The following MALRD1 variants were observed in gnomAD, a reference collection of about 807,000 sequenced individuals.
The protein encoded by MALRD1 is MAM and LDL-receptor class A domain-containing protein 1.
A neutral mutation model predicts 242.1 loss-of-function variants in MALRD1; 247 were observed. The observed-to-expected ratio is 1.02, with a 90% confidence interval of 0.92 to 1.13. MALRD1 has a LOEUF of 1.13. Among genes scored for constraint, MALRD1 ranks in the 50% most tolerant of loss-of-function variants. The pLI is 0.00. For synonymous variants in MALRD1, 995 were observed against 866.6 expected (o/e 1.15, Z -2.60); for missense variants, 2,989 against 2,533.1 (o/e 1.18, Z -3.86).
Position 19,615,859 on chromosome 10 carries a change from T to C in MALRD1, c.6073T>C (p.Cys2025Arg). The C allele has an allele frequency of 6.5e-7, 1 of 1,528,456 alleles. No individual in the cohort carries two copies. Among genetic ancestry groups the C allele is most frequent in the Non-Finnish European group, 8.8e-7 (1 of 1,142,236 alleles). 94.7% of individuals were successfully genotyped at this position (1,528,456 alleles called of 1,614,324 possible). Residue 2025 changes from cysteine (C) to arginine (R), a missense_variant and splice_region_variant, in exon 36 of 40, where the codon TGT becomes CGT. Cys to Arg is a radical substitution (Grantham distance 180). Transcript: ENST00000454679. ...FQLDESSCSE[C>R]PLNYCRNGGT... ...GTCTTTGTGATGCTTCTTTTTAGAA[T>C]GTCCATTAAATTACTGCAGAAATGG...
At chr10:19,221,069 G>A (rs981893241) in intron 18 of MALRD1, among the ~76,000 whole-genome samples, 1 of 151,636 alleles carries the variant, frequency 6.6e-6, no homozygotes, top group Admixed American at 6.6e-5. Context: ...TGAAGGAAAA[G>A]ATATTTTTCC....
chr10:19,323,841 C>A (rs1363207076), intron 21 of MALRD1, 108 bp from the exon 22 acceptor site: 15 of 931,262 alleles, frequency 1.6e-5, no homozygotes, highest in Admixed American at 2.4e-5. Flanking sequence ...GAACTCCTGA[C>A]TGCAGGTGAT....
intron 33 of MALRD1, among the ~76,000 whole-genome samples, chr10:19,593,005 TAAAAAA>T (rs3069581): frequency 6.9e-6 from 1 of 144,360 alleles, no homozygotes; most frequent in Non-Finnish European, 1.5e-5. Context: ...ATAAAATACT[TAAAAAA>T]AAAAAAAAAG....
chr10:19,400,963 C>G (rs1328525994), intron 28 of MALRD1, among the ~76,000 whole-genome samples: 2 of 151,984 alleles, frequency 1.3e-5, no homozygotes, highest in African/African-American at 2.4e-5. Context: ...TTGCAGTGAG[C>G]CAAGATTGTG....
At chr10:19,457,125 A>G (rs1752060784) in intron 29 of MALRD1, among the ~76,000 whole-genome samples, 1 of 152,210 alleles carries the variant, frequency 6.6e-6, no homozygotes. Flanking sequence ...ACTCTGAAAA[A>G]TTGAAATAGC....
chr10:19,613,928 T>C (rs905253078), intron 35 of MALRD1, among the ~76,000 whole-genome samples: 2 of 152,018 alleles, frequency 1.3e-5, no homozygotes, highest in African/African-American at 4.8e-5. Flanking sequence ...GAAAGCTTTT[T>C]CTTACTCCCC....
intron 24 of MALRD1, among the ~76,000 whole-genome samples, chr10:19,338,965 A>G (rs1212736755): frequency 6.8e-6 from 1 of 147,774 alleles, no homozygotes. Flanking sequence ...TATATACTAT[A>G]TATACAACTA....
intron 31 of MALRD1, among the ~76,000 whole-genome samples, chr10:19,511,240 T>A (rs1331943878): frequency 6.6e-6 from 1 of 152,130 alleles, no homozygotes; most frequent in African/African-American, 2.4e-5. Context: ...GATTATGGAG[T>A]GAGTGGTGCC....
At chr10:19,106,146 T>C (rs1008341384) in intron 5 of MALRD1, among the ~76,000 whole-genome samples, 1 of 151,942 alleles carries the variant, frequency 6.6e-6, no homozygotes, top group African/African-American at 2.4e-5. Flanking sequence ...TCCCTTTATA[T>C]TCTCTTCCCA....
At chr10:19,556,929 T>C (rs547204362) in intron 32 of MALRD1, among the ~76,000 whole-genome samples, 8 of 152,286 alleles carry the variant, frequency 5.3e-5, no homozygotes, top group East Asian at 1.9e-4. Context: ...TGAGAGTTCC[T>C]GTGGCTCTAT....
chr10:19,294,202 T>G (rs1435069010), intron 21 of MALRD1, among the ~76,000 whole-genome samples: 2 of 152,204 alleles, frequency 1.3e-5, no homozygotes, highest in African/African-American at 2.4e-5. Context: ...TGCTTTTCCT[T>G]TAACCACATT....
In MALRD1 at chr10:19,450,502, G is replaced by T; in HGVS notation, c.5029+12G>T. 1 of 1,536,146 alleles carries T rather than the reference G, an allele frequency of 6.5e-7. No individual in the cohort carries two copies. The highest frequency in any genetic ancestry group is 1.2e-5 in the South Asian group (1 of 81,344). On this transcript the variant is annotated intron_variant, in intron 29 of 39. Coordinates refer to ENST00000454679, the MANE Select transcript of MALRD1 (RefSeq NM_001142308.3). ...AAACTGCACAACTGGTAAGTTTCCA[G>T]AAAGCACTTCCATTTGGAAGCACAT...
At chr10:19,133,024 C>T (rs948823251) in intron 8 of MALRD1, among the ~76,000 whole-genome samples, 5 of 152,016 alleles carry the variant, frequency 3.3e-5, no homozygotes, top group South Asian at 2.1e-4. Context: ...CTGCAACCTG[C>T]GCCTCCCAGG....
At chr10:19,520,782 C>T (rs186635854) in intron 31 of MALRD1, among the ~76,000 whole-genome samples, 2 of 152,184 alleles carry the variant, frequency 1.3e-5, no homozygotes, top group East Asian at 1.9e-4. Flanking sequence ...TACAGCTGCT[C>T]TATATTTCTT....
intron 15 of MALRD1, 79 bp downstream of exon 15, chr10:19,203,959 C>A (rs889607420): frequency 1.3e-6 from 2 of 1,485,216 alleles, no homozygotes; most frequent in Non-Finnish European, 1.8e-6. Context: ...AAAGCTAGTA[C>A]GGTTCTGTGA....
chr10:19,672,483 G>A (rs1409208102), intron 36 of MALRD1, among the ~76,000 whole-genome samples: 2 of 150,042 alleles, frequency 1.3e-5, no homozygotes, highest in Admixed American at 1.3e-4. Flanking sequence ...GAGTGCAGTG[G>A]CAACATCTCA....
intron 5 of MALRD1, among the ~76,000 whole-genome samples, chr10:19,113,814 C>CACACACACACACACACAG (rs773693724): frequency 6.8e-6 from 1 of 147,230 alleles, no homozygotes; most frequent in Non-Finnish European, 1.5e-5. Context: ...CACACACACA[C>CACACACACACACACACAG]ACACACACAC....
chr10:19,357,089 G>A (rs139167603), intron 26 of MALRD1, among the ~76,000 whole-genome samples: 2,300 of 147,020 alleles, frequency 0.016, 49 homozygotes, highest in African/African-American at 0.046. Flanking sequence ...CAGCCTGGGC[G>A]ACAGAGTGAG....
At chr10:19,198,965 C>T (rs1293315117) in intron 14 of MALRD1, among the ~76,000 whole-genome samples, 1 of 152,142 alleles carries the variant, frequency 6.6e-6, no homozygotes, top group African/African-American at 2.4e-5. Context: ...CATTAGAATG[C>T]ATGGAAAAGC....
Sources: allele counts gnomAD v4.1 joint callset (sites outside exome capture counted in the v4.1 genomes callset), GRCh38; gene constraint gnomAD v4.1.1; transcripts MANE v1.5; gene names NCBI Gene and HGNC (gene_info 2026-07-23, HGNC 2026-07-21).